SPPL3: variants seen among roughly 807,000 people sequenced by gnomAD.
The protein encoded by SPPL3 is signal peptide peptidase-like 3.
SPPL3 carries 5 observed loss-of-function variants against 42.4 expected under a neutral mutation model. The observed-to-expected ratio is 0.12, with a 90% CI of 0.06 to 0.25. The LOEUF is 0.25. SPPL3 is among the 10% of genes least tolerant of loss of function. The pLI is 1.00. For missense variants in SPPL3, 235 were observed against 489.0 expected, an observed-to-expected ratio of 0.48 and a Z score of 4.90; for synonymous variants, 195 against 181.8, an observed-to-expected ratio of 1.07 and a Z score of -0.58.
chr12:120,829,021 T>C (rs1337808965), intron 1 of SPPL3, among the ~76,000 whole-genome samples: 1 of 152,144 alleles, frequency 6.6e-6, no homozygotes, highest in African/African-American at 2.4e-5. Context: ...CCTCAAGCCT[T>C]CCAAAGTTCT....
intron 1 of SPPL3, among the ~76,000 whole-genome samples, chr12:120,875,341 T>C (rs1191579169): frequency 1.3e-5 from 2 of 152,214 alleles, no homozygotes; most frequent in Non-Finnish European, 2.9e-5. Context: ...TATTTCAACA[T>C]AGATGGTGAT....
chr12:120,833,886 C>A (rs372198795), intron 1 of SPPL3, among the ~76,000 whole-genome samples: 6 of 151,284 alleles, frequency 4.0e-5, no homozygotes, highest in African/African-American at 1.5e-4. Context: ...GCTCTAAATG[C>A]GGGGCTACAG....
At position 120,808,656 on chromosome 12, in the gene SPPL3, T is replaced by C. The variant is rs1379622127; in HGVS notation, c.101+2153A>G. 2.6e-5 allele frequency among the ~76,000 whole-genome samples: 4 copies of C among 151,900 alleles called. No homozygotes were observed. In the South Asian group the frequency reaches 6.2e-4, roughly 24 times the overall value. On this transcript the variant is annotated intron_variant, in intron 2 of 10. Coordinates refer to ENST00000353487, the MANE Select transcript of SPPL3 (RefSeq NM_139015.5). ...TAACAGTCCACTTGTCCAACAAGAG[T>C]GGAATAAGATGAGTAACACAACGAA... is the stretch of plus-strand genomic sequence containing the variant.
intron 2 of SPPL3, among the ~76,000 whole-genome samples, chr12:120,807,691 A>G (rs1220817008): frequency 6.6e-6 from 1 of 152,082 alleles, no homozygotes; most frequent in Admixed American, 6.6e-5. Context: ...AAAAAAAGAA[A>G]AAAAGAGAAA....
intron 1 of SPPL3, among the ~76,000 whole-genome samples, chr12:120,885,400 A>G (rs1045991595): frequency 6.6e-6 from 1 of 152,210 alleles, no homozygotes; most frequent in Non-Finnish European, 1.5e-5. Context: ...CCCTGGGTCC[A>G]TATTATCACA....
rs1047738741 is a variant in SPPL3 at position 120,823,556 on chromosome 12, C to T, written c.24-12670G>A. On this transcript the variant is annotated intron_variant, in intron 1 of 10. Coordinates refer to ENST00000353487, the MANE Select transcript of SPPL3 (RefSeq NM_139015.5). ...TCCTACTGGATTTCTTCCCTGCTCT[C>T]TGGCTCCGTATTTTCTCCTTCTCCT... is the stretch of plus-strand genomic sequence containing the variant. Among the ~76,000 whole-genome samples the T allele has an allele frequency of 2.0e-5, 3 of 152,186 alleles. No individual in the cohort carries two copies. In the East Asian group the frequency reaches 5.8e-4, roughly 29 times the overall value.
chr12:120,768,142 G>A (rs988416366), intron 8 of SPPL3, among the ~76,000 whole-genome samples, 183 bp downstream of exon 8: 8 of 152,184 alleles, frequency 5.3e-5, no homozygotes, highest in East Asian at 1.9e-4. Flanking sequence ...AAAAGGCACC[G>A]CCTGGATCAC....
chr12:120,785,709 G>A (rs1345340303), intron 3 of SPPL3, among the ~76,000 whole-genome samples: 3 of 151,748 alleles, frequency 2.0e-5, no homozygotes, highest in Non-Finnish European at 4.4e-5. Flanking sequence ...GGTGGCTCAT[G>A]CCTGTAATCC....
chr12:120,869,903 A>G (rs1872869102), intron 1 of SPPL3, among the ~76,000 whole-genome samples: 1 of 152,234 alleles, frequency 6.6e-6, no homozygotes, highest in Non-Finnish European at 1.5e-5. Context: ...GAGAATCCAA[A>G]AATAGGAATA....
At chr12:120,895,131 T>C (rs180914824) in intron 1 of SPPL3, among the ~76,000 whole-genome samples, 4 of 151,048 alleles carry the variant, frequency 2.6e-5, no homozygotes, top group Non-Finnish European at 5.9e-5. Flanking sequence ...AAGATAAAAC[T>C]AACATGAAAA....
At chr12:120,834,882 T>TA (rs1871555672) in intron 1 of SPPL3, among the ~76,000 whole-genome samples, 1 of 152,216 alleles carries the variant, frequency 6.6e-6, no homozygotes. Context: ...TAACATCTTA[T>TA]AAAAACTAAC....
chr12:120,791,754 C>G (rs935698261), intron 2 of SPPL3, 197 bp from the exon 3 acceptor site: 8 of 513,738 alleles, frequency 1.6e-5, no homozygotes, highest in Admixed American at 1.2e-4. Context: ...GTTTTCCTGA[C>G]TGCAGATGAA....
intron 1 of SPPL3, among the ~76,000 whole-genome samples, chr12:120,893,256 C>T (rs535520317): frequency 1.1e-4 from 16 of 151,982 alleles, no homozygotes; most frequent in African/African-American, 3.9e-4. Flanking sequence ...CGAGACCATC[C>T]TGGCTAACAC....
intron 6 of SPPL3, among the ~76,000 whole-genome samples, chr12:120,780,644 T>C (rs1869497062): frequency 6.7e-6 from 1 of 150,034 alleles, no homozygotes; most frequent in Non-Finnish European, 1.5e-5. Flanking sequence ...TCCCAGAACT[T>C]TGGGAGGCTG....
chr12:120,878,115 C>T (rs1335555301), intron 1 of SPPL3, among the ~76,000 whole-genome samples: 2 of 151,942 alleles, frequency 1.3e-5, no homozygotes, highest in East Asian at 1.9e-4. Flanking sequence ...TGTATTTCTA[C>T]ATACCAGTAA....
At chr12:120,801,462 T>C (rs1870294298) in intron 2 of SPPL3, among the ~76,000 whole-genome samples, 1 of 152,224 alleles carries the variant, frequency 6.6e-6, no homozygotes, top group Non-Finnish European at 1.5e-5. Context: ...GTAAGACTTT[T>C]GTGCACATTA....
intron 7 of SPPL3, 50 bp from the exon 8 acceptor site, chr12:120,768,538 C>G: frequency 6.4e-7 from 1 of 1,563,932 alleles, no homozygotes; most frequent in African/African-American, 1.4e-5. Context: ...AAGCAACCTG[C>G]TTTCAGCATC....
At chr12:120,806,853 A>AAAAAG (rs1555249183) in intron 2 of SPPL3, among the ~76,000 whole-genome samples, 66 of 146,150 alleles carry the variant, frequency 4.5e-4, no homozygotes, top group Middle Eastern at 7.0e-3. Flanking sequence ...TTAAAAAAAA[A>AAAAAG]AAAGAAAGAA....
chr12:120,897,048 C>T (rs963768651), intron 1 of SPPL3, among the ~76,000 whole-genome samples: 6 of 152,070 alleles, frequency 3.9e-5, no homozygotes, highest in African/African-American at 1.4e-4. Context: ...TAAATTTTCA[C>T]GAGATGGTTT....
Sources: allele counts gnomAD v4.1 joint callset (sites outside exome capture counted in the v4.1 genomes callset), GRCh38; gene constraint gnomAD v4.1.1; transcripts MANE v1.5; gene names NCBI Gene and HGNC (gene_info 2026-07-23, HGNC 2026-07-21).